CRISPLD1: variants seen among roughly 807,000 people sequenced by gnomAD.
CRISPLD1 encodes the protein cysteine rich secretory protein LCCL domain containing 1, also known as cysteine-rich secretory protein LCCL domain-containing 1.
In CRISPLD1, 60 loss-of-function variants were observed where a neutral mutation model predicts 77.5. The ratio of observed to expected loss-of-function variants is 0.77; its 90% CI spans 0.63 to 0.96. CRISPLD1 has a LOEUF of 0.96. Ranked by LOEUF, CRISPLD1 falls within the 40% of genes least tolerant of loss-of-function variation. CRISPLD1 has a pLI of 0.00. For missense variants in CRISPLD1, 623 were observed against 615.8 expected (o/e 1.01, Z -0.12); for synonymous variants, 195 against 200.1 (o/e 0.97, Z 0.22).
rs1813290361 is a variant in CRISPLD1 at position 75,029,331 on chromosome 8, T to C, written c.1321-56T>C. On this transcript the variant is annotated intron_variant, in intron 13 of 14. Transcript: ENST00000262207. The stretch of plus-strand genomic sequence containing the variant: ...GTCTATTAATAATAGAAGAATAGGC[T>C]GGACAAGTCCAGCAGGAATTTCCAA... 3.4e-5 allele frequency: 54 copies of C among 1,565,910 alleles called. No individual in the cohort carries two copies. The South Asian group carries it at 6.2e-4, about 18-fold the overall frequency.
chr8:75,014,160 C>T (rs1367768198), intron 5 of CRISPLD1, 58 bp downstream of exon 5: 1 of 1,057,258 alleles, frequency 9.5e-7, no homozygotes, highest in African/African-American at 1.6e-5. Context: ...ATGAAAATAC[C>T]TTTACGTTCC....
Position 75,034,380 on chromosome 8 carries a change from A to G in CRISPLD1, c.*2138A>G, listed in dbSNP as rs1450406769. On this transcript the variant is annotated 3_prime_UTR_variant, in exon 15 of 15. Transcript: ENST00000262207. ...CTTAAAGGAATAATAAATGCATAAT[A>G]TGAGGTCAGTGGACGCCATTTTCTG... is the stretch of plus-strand genomic sequence containing the variant. 1 of 152,102 alleles carries G rather than the reference A, an allele frequency of 6.6e-6. No homozygotes were observed. The highest frequency in any genetic ancestry group is 1.5e-5 in the Non-Finnish European group (1 of 67,952). The allele number at this position is 152,102 out of a possible 1,614,324, so 9.4% of individuals were successfully genotyped here. A position where few individuals can be genotyped will look rare whatever the true frequency, so the allele number is the denominator to read the frequency against.
At chr8:75,003,199 A>G (rs1023394685) in intron 2 of CRISPLD1, among the ~76,000 whole-genome samples, 2 of 152,212 alleles carry the variant, frequency 1.3e-5, no homozygotes, top group Non-Finnish European at 2.9e-5. Context: ...GCAACGTAAC[A>G]TAGCAGTTTC....
chr8:75,018,437 C>T (rs1337278046), intron 10 of CRISPLD1, among the ~76,000 whole-genome samples: 4 of 151,946 alleles, frequency 2.6e-5, no homozygotes, highest in African/African-American at 4.8e-5. Context: ...AATACAGGTG[C>T]GTGCCACCAT....
intron 13 of CRISPLD1, among the ~76,000 whole-genome samples, chr8:75,028,981 A>G (rs534671605): frequency 2.6e-5 from 4 of 152,328 alleles, no homozygotes; most frequent in African/African-American, 7.2e-5. Context: ...TGAATAATCT[A>G]ACCTATGAAC....
intron 2 of CRISPLD1, among the ~76,000 whole-genome samples, chr8:75,006,401 A>C (rs923420387): frequency 2.0e-5 from 3 of 152,156 alleles, no homozygotes; most frequent in African/African-American, 7.2e-5. Context: ...TAAAATTTTT[A>C]GATGATTAAT....
At position 75,012,467 on chromosome 8, in the gene CRISPLD1, C is replaced by T; in HGVS notation, c.293C>T (p.Ser98Phe). Residue 98 changes from serine (S) to phenylalanine (F), a missense_variant, in exon 3 of 15, where the codon TCC becomes TTC. Physicochemically the swap from Ser to Phe is radical, Grantham distance 155. Transcript: ENST00000262207. Reference sequence around the variant, plus strand: ...GTAGAGCTGGAAAGATCTGCAGAATCCTGGGCTGAAAGTTGCTTGTGGGAA... The same window carrying T: ...GTAGAGCTGGAAAGATCTGCAGAATTCTGGGCTGAAAGTTGCTTGTGGGAA... ...WDVELERSAE[S>F]WAESCLWEHG... is the part of the protein sequence containing the mutation. The T allele has an allele frequency of 6.2e-7, 1 of 1,612,980 alleles. No individual in the cohort carries two copies. The highest frequency in any genetic ancestry group is 8.5e-7 in the Non-Finnish European group (1 of 1,179,214).
chr8:75,028,131 G>A (rs997847491), intron 13 of CRISPLD1, among the ~76,000 whole-genome samples: 4 of 152,124 alleles, frequency 2.6e-5, no homozygotes, highest in African/African-American at 9.7e-5. Flanking sequence ...AATTCCATCT[G>A]TTAAGAACCA....
At chr8:74,991,035 C>T (rs572360376) in intron 2 of CRISPLD1, among the ~76,000 whole-genome samples, 43 of 152,098 alleles carry the variant, frequency 2.8e-4, no homozygotes, top group African/African-American at 1.0e-3. Context: ...CTCTGTCAGC[C>T]AGGCTGAAGG....
chr8:74,997,417 G>A (rs552272753), intron 2 of CRISPLD1, among the ~76,000 whole-genome samples: 1 of 137,626 alleles, frequency 7.3e-6, no homozygotes, highest in Non-Finnish European at 1.5e-5. Flanking sequence ...GCTGACACAG[G>A]AGGAGAAACA....
intron 2 of CRISPLD1, among the ~76,000 whole-genome samples, chr8:74,988,767 G>T (rs1337810372): frequency 1.3e-5 from 2 of 152,116 alleles, no homozygotes; most frequent in African/African-American, 2.4e-5. Context: ...CCCAGGAGGG[G>T]AAGGTTGTAG....
intron 2 of CRISPLD1, among the ~76,000 whole-genome samples, chr8:74,991,837 C>G (rs775353870): frequency 1.3e-5 from 2 of 152,172 alleles, no homozygotes. Flanking sequence ...CAAACTCTTA[C>G]TTTTCCCTCC....
chr8:75,028,059 A>G (rs1042873147), intron 13 of CRISPLD1, among the ~76,000 whole-genome samples: 4 of 152,150 alleles, frequency 2.6e-5, no homozygotes, highest in African/African-American at 9.6e-5. Flanking sequence ...TTGCCTTGGG[A>G]AAAATGCTGA....
intron 2 of CRISPLD1, among the ~76,000 whole-genome samples, chr8:74,991,203 G>A (rs1214238306): frequency 1.3e-5 from 2 of 151,882 alleles, no homozygotes; most frequent in African/African-American, 4.8e-5. Context: ...ATCATGTTGG[G>A]CAGGCTGGTC....
At chr8:75,019,818 G>A in intron 10 of CRISPLD1, 52 bp from the exon 11 acceptor site, 2 of 1,398,498 alleles carry the variant, frequency 1.4e-6, no homozygotes, top group Non-Finnish European at 2.0e-6. Flanking sequence ...AAATGATGCT[G>A]CTGCTGATGC....
chr8:75,020,355 G>A (rs1813112243), intron 12 of CRISPLD1, among the ~76,000 whole-genome samples: 1 of 152,222 alleles, frequency 6.6e-6, no homozygotes, highest in South Asian at 2.1e-4. Context: ...TGTGGCTGCT[G>A]TAACAAAATA....
intron 14 of CRISPLD1, among the ~76,000 whole-genome samples, chr8:75,031,365 AG>A (rs1188388420): frequency 6.6e-6 from 1 of 152,114 alleles, no homozygotes; most frequent in East Asian, 1.9e-4. Context: ...TTTATGTAAA[AG>A]CTTCAAAAGC....
Position 74,986,204 on chromosome 8 carries a change from C to T in CRISPLD1, c.217C>T (p.Arg73Ter), listed in dbSNP as rs1368887327. The T allele has an allele frequency of 1.2e-6, 2 of 1,613,866 alleles. No individual in the cohort carries two copies. The highest frequency in any genetic ancestry group is 1.7e-6 in the Non-Finnish European group (2 of 1,179,788). The change falls in exon 2 of 15, where the codon CGA (arginine) becomes TGA (stop). Residue 73 changes from arginine to a stop codon, truncating the protein, a stop_gained. Transcript: ENST00000262207. LOFTEE classifies it high-confidence loss of function. ...TATTTTGGACCTTCATAATAAATTA[C>T]GAAGTCAGGTGTATCCAACAGCCTC... ...QSILDLHNKLRSQVYPTASNM... is the reference protein window; with the variant it reads ...QSILDLHNKL
In CRISPLD1 at chr8:75,016,625, A is replaced by C; in HGVS notation, c.788A>C (p.Gln263Pro). Residue 263 changes from glutamine (Q) to proline (P), a missense_variant, in exon 7 of 15, where the codon CAG (glutamine) becomes CCG (proline). Transcript: ENST00000262207. Reference protein sequence around the residue: ...EEETNEIERQQSQVHDTHVRT... With the variant: ...EEETNEIERQPSQVHDTHVRT... ...GAAACAAATGAAATAGAACGACAGC[A>C]GTCACAAGTCCATGACACCCATGTC... The C allele has an allele frequency of 6.2e-7, 1 of 1,613,650 alleles. No individual in the cohort carries two copies. The highest frequency in any genetic ancestry group is 8.5e-7 in the Non-Finnish European group (1 of 1,179,638).
Sources: gnomAD v4.1 joint callset for allele counts (sites outside exome capture counted in the v4.1 genomes callset) on GRCh38, gnomAD v4.1.1 for gene constraint, MANE v1.5 for transcripts, NCBI Gene and HGNC (gene_info 2026-07-23, HGNC 2026-07-21) for gene names.